ADGRL2: variants seen among roughly 807,000 people sequenced by gnomAD.
ADGRL2 encodes calcium-independent alpha-latrotoxin receptor 2.
A neutral mutation model predicts 157.4 loss-of-function variants in ADGRL2; 44 were observed. The observed-to-expected ratio is 0.28, with a 90% CI of 0.22 to 0.36. The LOEUF is 0.36. ADGRL2 is among the 10% of genes least tolerant of loss of function. The pLI, the probability that ADGRL2 is intolerant of heterozygous loss-of-function variation, is 1.00. For synonymous variants in ADGRL2, 585 were observed against 624.7 expected (o/e 0.94, Z 0.95); for missense variants, 1,510 against 1,768.9 (o/e 0.85, Z 2.63).
intron 2 of ADGRL2, among the ~76,000 whole-genome samples, chr1:81,535,007 T>C (rs2079698964): frequency 6.6e-6 from 1 of 152,168 alleles, no homozygotes; most frequent in African/African-American, 2.4e-5. Flanking sequence ...ACCTCTCTTT[T>C]TAACCCACAA....
chr1:81,802,297 C>T (rs2088328992), intron 1 of ADGRL2, among the ~76,000 whole-genome samples: 1 of 152,066 alleles, frequency 6.6e-6, no homozygotes, highest in Admixed American at 6.5e-5. Flanking sequence ...CTTTGCGCCT[C>T]CAGTCCGGGG....
chr1:81,878,580 TACTA>T (rs2093901814), intron 2 of ADGRL2, among the ~76,000 whole-genome samples: 1 of 152,190 alleles, frequency 6.6e-6, no homozygotes, highest in Non-Finnish European at 1.5e-5. Flanking sequence ...GCCCAAATAA[TACTA>T]ACACACTAGC....
At chr1:81,401,196 T>C (rs897109804) in intron 1 of ADGRL2, among the ~76,000 whole-genome samples, 2 of 152,096 alleles carry the variant, frequency 1.3e-5, no homozygotes, top group Non-Finnish European at 2.9e-5. Context: ...GGCCATAGTA[T>C]TGTTTCTCCA....
intron 1 of ADGRL2, among the ~76,000 whole-genome samples, chr1:81,429,268 C>T (rs540263939): frequency 6.9e-4 from 105 of 152,102 alleles, no homozygotes; most frequent in Non-Finnish European, 7.5e-4. Context: ...TACCTAGAGG[C>T]TACTGTTACC....
chr1:81,872,008 T>A (rs538334368), intron 2 of ADGRL2, among the ~76,000 whole-genome samples: 1 of 152,194 alleles, frequency 6.6e-6, no homozygotes, highest in Non-Finnish European at 1.5e-5. Context: ...TCCTTGCCCA[T>A]GCCTATGTCC....
chr1:81,309,508 A>G (rs527349127), intron 1 of ADGRL2, among the ~76,000 whole-genome samples: 1 of 152,120 alleles, frequency 6.6e-6, no homozygotes, highest in Non-Finnish European at 1.5e-5. Flanking sequence ...ATCTCTGATG[A>G]CTAGTAGTAG....
rs530031440 is a variant in ADGRL2, at chr1:81,621,004, C to G, written c.-143+40024C>G. Among the ~76,000 whole-genome samples, 3 of 152,308 alleles carry G rather than the reference C, an allele frequency of 2.0e-5. No homozygotes were observed. In the South Asian group the frequency reaches 6.2e-4, roughly 32 times the overall value. ...AAGGTTGTACTCCAGACTTTTCCAT[C>G]AGAATCTCAACAGGAGTGCGGCAGG... is the stretch of plus-strand genomic sequence containing the variant. On this transcript the variant is annotated intron_variant, in intron 3 of 24. Coordinates refer to the ADGRL2 transcript ENST00000370721.
At chr1:81,917,086 T>G (rs2094874569) in intron 3 of ADGRL2, among the ~76,000 whole-genome samples, 1 of 152,050 alleles carries the variant, frequency 6.6e-6, no homozygotes. Context: ...TTCTTCTACC[T>G]CCTTCAGTGC....
chr1:81,989,856 GA>G (rs1664218732), intron 23 of ADGRL2: 1 of 1,380,666 alleles, frequency 7.2e-7, no homozygotes, highest in Non-Finnish European at 9.4e-7. Flanking sequence ...TTCATCTCCA[GA>G]AAAAGGAAAT....
intron 3 of ADGRL2, among the ~76,000 whole-genome samples, chr1:81,634,512 G>GTT (rs58027766): frequency 4.3e-5 from 6 of 140,146 alleles, no homozygotes; most frequent in African/African-American, 1.6e-4. Context: ...TAGCTATCTT[G>GTT]TTTTTTTTTT....
At chr1:81,454,716 T>C (rs1403003152) in intron 2 of ADGRL2, among the ~76,000 whole-genome samples, 2 of 152,150 alleles carry the variant, frequency 1.3e-5, no homozygotes, top group African/African-American at 4.8e-5. Context: ...TCACATAACA[T>C]TTAGATATCA....
intron 3 of ADGRL2, among the ~76,000 whole-genome samples, chr1:81,625,435 T>G (rs1454287551): frequency 6.6e-6 from 1 of 152,180 alleles, no homozygotes; most frequent in Admixed American, 6.5e-5. Flanking sequence ...TTTTTCTTCC[T>G]TATATGTTTT....
At chr1:81,455,482 C>T (rs1443212129) in intron 2 of ADGRL2, among the ~76,000 whole-genome samples, 1 of 152,128 alleles carries the variant, frequency 6.6e-6, no homozygotes, top group African/African-American at 2.4e-5. Context: ...CGTACCAATG[C>T]ACAGAAATCC....
intron 1 of ADGRL2, among the ~76,000 whole-genome samples, chr1:81,372,877 C>T (rs1307874215): frequency 1.3e-5 from 2 of 152,194 alleles, no homozygotes; most frequent in Non-Finnish European, 2.9e-5. Context: ...TTGGCAACAG[C>T]TTAGTATAGA....
At chr1:81,366,012 T>C (rs2076060239) in intron 1 of ADGRL2, among the ~76,000 whole-genome samples, 1 of 152,172 alleles carries the variant, frequency 6.6e-6, no homozygotes, top group African/African-American at 2.4e-5. Context: ...TCTTTGCTAG[T>C]CCAGTGAATT....
At chr1:81,401,283 C>T (rs1230080138) in intron 1 of ADGRL2, among the ~76,000 whole-genome samples, 1 of 152,148 alleles carries the variant, frequency 6.6e-6, no homozygotes, top group African/African-American at 2.4e-5. Context: ...CATACCCAGG[C>T]AGCAAACTCA....
rs1664902020 is a variant in ADGRL2 at position 81,993,105 on chromosome 1, T to A, written c.*1960T>A. The stretch of plus-strand genomic sequence containing the variant: ...TATATATATTTTTTTTTTTTTTTTT[T>A]TTTTTTTTTTTTTTGGGACAGAGTG... On this transcript the variant is annotated 3_prime_UTR_variant, in exon 24 of 24. Transcript: ENST00000686636. 9.0e-5 allele frequency among the ~76,000 whole-genome samples: 9 copies of A among 99,654 alleles called. No individual in the cohort carries two copies. Among genetic ancestry groups the A allele is most frequent in the African/African-American group, 2.5e-4 (6 of 23,560 alleles). 65.4% of individuals were successfully genotyped at this position (99,654 alleles called of 152,430 possible).
Position 81,500,853 on chromosome 1 carries a change from AAGAT to A in ADGRL2, c.-248+55766_-248+55769del, listed in dbSNP as rs1281755977. On this transcript the variant is annotated intron_variant, in intron 2 of 24. Transcript: ENST00000370721. ...TTATATATATTTTCCCAAAATAAAA[AAGAT>A]AAACCAAATTTCTTGAAAAAATAGA... 5.3e-5 allele frequency among the ~76,000 whole-genome samples: 8 copies of A among 152,324 alleles called. No individual in the cohort carries two copies. The East Asian group carries it at 1.3e-3, about 26-fold the overall frequency.
intron 2 of ADGRL2, among the ~76,000 whole-genome samples, chr1:81,842,512 C>T (rs1571601908): frequency 6.6e-6 from 1 of 151,948 alleles, no homozygotes; most frequent in East Asian, 1.9e-4. Flanking sequence ...CACCTGCCAC[C>T]ATGCCTGTCT....
Sources: allele counts gnomAD v4.1 joint callset (sites outside exome capture counted in the v4.1 genomes callset), GRCh38; gene constraint gnomAD v4.1.1; transcripts MANE v1.5; gene names NCBI Gene and HGNC (gene_info 2026-07-23, HGNC 2026-07-21).